CSMD3: variants seen among roughly 807,000 people sequenced by gnomAD.
The protein encoded by CSMD3 is CUB and Sushi multiple domains 3, also known as CUB and sushi domain-containing protein 3.
Under a neutral mutation model 435.2 loss-of-function variants are expected in CSMD3, and 177 were observed. The observed-to-expected ratio is 0.41, with a 90% CI of 0.36 to 0.46. CSMD3 has a LOEUF of 0.46. CSMD3 is among the 20% of genes least tolerant of loss of function. The pLI is 0.34. For synonymous variants in CSMD3, 1,656 were observed against 1,520.5 expected (o/e 1.09, Z -2.07); for missense variants, 4,265 against 4,504.6 (o/e 0.95, Z 1.52).
chr8:112,702,206 G>T (rs1216449147), intron 13 of CSMD3, among the ~76,000 whole-genome samples: 2 of 152,058 alleles, frequency 1.3e-5, no homozygotes, highest in African/African-American at 2.4e-5. Flanking sequence ...TAAAGGATTT[G>T]TCCAACGACA....
chr8:112,709,308 A>T lies in CSMD3; in HGVS notation c.1973-19258T>A, dbSNP rs373158547. Among the ~76,000 whole-genome samples, 81 of 152,240 alleles carry T rather than the reference A, an allele frequency of 5.3e-4. 1 individual carries two copies. Among genetic ancestry groups the T allele is most frequent in the Middle Eastern group, 6.8e-3 (2 of 294 alleles). On this transcript the variant is annotated intron_variant, in intron 13 of 70. Coordinates refer to ENST00000297405, the MANE Select transcript of CSMD3 (RefSeq NM_198123.2). ...GCCCATTAACCAGTACGACTTTTAT[A>T]TTGAAAAATAGGTGTACACATATTT...
At chr8:112,878,798 G>A (rs185407683) in intron 10 of CSMD3, among the ~76,000 whole-genome samples, 1 of 152,138 alleles carries the variant, frequency 6.6e-6, no homozygotes, top group East Asian at 1.9e-4. Context: ...CCCGAATGGA[G>A]GGACCTGCTG....
chr8:113,110,481 A>G (rs907892659), intron 4 of CSMD3, among the ~76,000 whole-genome samples: 25 of 152,174 alleles, frequency 1.6e-4, no homozygotes, highest in African/African-American at 5.8e-4. Context: ...CCACTTTATA[A>G]CAAGGATCAC....
chr8:113,433,794 A>G (rs990009060), intron 1 of CSMD3, among the ~76,000 whole-genome samples: 2 of 152,044 alleles, frequency 1.3e-5, no homozygotes, highest in African/African-American at 2.4e-5. Flanking sequence ...GGAGATTCAC[A>G]GTTTCTATCT....
intron 9 of CSMD3, among the ~76,000 whole-genome samples, chr8:112,939,109 AG>A (rs1347828337): frequency 3.3e-5 from 5 of 152,180 alleles, no homozygotes; most frequent in African/African-American, 1.2e-4. Context: ...AATATTTAAA[AG>A]TGAGGAATCC....
intron 6 of CSMD3, among the ~76,000 whole-genome samples, chr8:113,003,545 T>A (rs1408027793): frequency 6.6e-6 from 1 of 152,030 alleles, no homozygotes; most frequent in South Asian, 2.1e-4. Flanking sequence ...AGTAATAATA[T>A]CTTAGTACCA....
intron 32 of CSMD3, among the ~76,000 whole-genome samples, chr8:112,416,814 A>T (rs1461949345): frequency 6.6e-6 from 1 of 152,196 alleles, no homozygotes; most frequent in Non-Finnish European, 1.5e-5. Context: ...CAGAAAAAAA[A>T]AACTGAGACT....
chr8:113,037,558 C>G (rs1042528314), intron 5 of CSMD3, among the ~76,000 whole-genome samples: 2 of 151,802 alleles, frequency 1.3e-5, no homozygotes, highest in African/African-American at 2.4e-5. Context: ...ACCTCAAATC[C>G]CAGTATGTTG....
intron 67 of CSMD3, 29 bp downstream of exon 67, chr8:112,237,161 A>G: frequency 6.2e-7 from 1 of 1,608,104 alleles, no homozygotes; most frequent in South Asian, 1.1e-5. Flanking sequence ...TCATGAAGGT[A>G]TATTTCGCTG....
At chr8:113,139,036 T>C (rs1310306157) in intron 4 of CSMD3, among the ~76,000 whole-genome samples, 1 of 150,782 alleles carries the variant, frequency 6.6e-6, no homozygotes, top group Admixed American at 6.6e-5. Context: ...AAATATCCAA[T>C]GGATGGGCTT....
chr8:113,139,667 A>G (rs1014085926), intron 4 of CSMD3, among the ~76,000 whole-genome samples: 1 of 151,058 alleles, frequency 6.6e-6, no homozygotes, highest in Non-Finnish European at 1.5e-5. Context: ...GAGAAAAGAA[A>G]ATGAAAAACA....
intron 13 of CSMD3, among the ~76,000 whole-genome samples, chr8:112,715,459 G>A (rs1055322078): frequency 1.3e-5 from 2 of 152,032 alleles, no homozygotes; most frequent in Non-Finnish European, 2.9e-5. Context: ...AAAATCTCAG[G>A]ACAAGACAAA....
At chr8:112,841,400 T>C (rs1226673621) in intron 11 of CSMD3, among the ~76,000 whole-genome samples, 1 of 151,818 alleles carries the variant, frequency 6.6e-6, no homozygotes, top group African/African-American at 2.4e-5. Flanking sequence ...TGTCATTCCA[T>C]AATATTGGCT....
chr8:113,027,041 C>A (rs1246554209), intron 5 of CSMD3, among the ~76,000 whole-genome samples: 1 of 152,076 alleles, frequency 6.6e-6, no homozygotes, highest in African/African-American at 2.4e-5. Flanking sequence ...AAAATTTCTC[C>A]AAGTGTGTTC....
chr8:112,824,586 A>T (rs961481505), intron 12 of CSMD3, among the ~76,000 whole-genome samples: 2 of 152,180 alleles, frequency 1.3e-5, no homozygotes, highest in African/African-American at 4.8e-5. Flanking sequence ...TGGAAATAAA[A>T]TTCTGGATTG....
chr8:112,758,855 A>G (rs2077767053), intron 13 of CSMD3, among the ~76,000 whole-genome samples: 2 of 152,176 alleles, frequency 1.3e-5, no homozygotes, highest in Admixed American at 6.5e-5. Flanking sequence ...TATTTTATTA[A>G]CAAACTTAAG....
chr8:112,525,716 G>A (rs1328573602), intron 27 of CSMD3, among the ~76,000 whole-genome samples: 5 of 140,470 alleles, frequency 3.6e-5, no homozygotes, highest in African/African-American at 7.9e-5. Context: ...GCGAGACTCC[G>A]TCCTCCCAAA....
chr8:112,231,139 TCA>T (rs1813046780), intron 69 of CSMD3, among the ~76,000 whole-genome samples: 1 of 152,234 alleles, frequency 6.6e-6, no homozygotes, highest in Admixed American at 6.5e-5. Flanking sequence ...TGTGAGTTTC[TCA>T]GAGTGTCACT....
At chr8:112,496,998 GA>G (rs1340914251) in intron 30 of CSMD3, among the ~76,000 whole-genome samples, 1 of 152,072 alleles carries the variant, frequency 6.6e-6, no homozygotes, top group Non-Finnish European at 1.5e-5. Flanking sequence ...TGATATTATG[GA>G]AACCCCGTTT....
Sources: allele counts gnomAD v4.1 joint callset (sites outside exome capture counted in the v4.1 genomes callset), GRCh38; gene constraint gnomAD v4.1.1; transcripts MANE v1.5; gene names NCBI Gene and HGNC (gene_info 2026-07-23, HGNC 2026-07-21).